Variants in MACROD1 observed in about 807,000 individuals in gnomAD.
MACROD1 encodes the protein ADP-ribose glycohydrolase MACROD1.
Under a neutral mutation model 41.4 loss-of-function variants are expected in MACROD1, and 31 were observed. The observed-to-expected ratio is 0.75, with a 90% confidence interval of 0.56 to 1.01. The LOEUF is 1.01. MACROD1 is among the 50% of genes least tolerant of loss of function. MACROD1 has a pLI of 0.00. For synonymous variants in MACROD1, 252 were observed against 203.4 expected, an observed-to-expected ratio of 1.24 and a Z score of -2.03; for missense variants, 473 against 460.0, an observed-to-expected ratio of 1.03 and a Z score of -0.26.
chr11:64,062,189 G>C (rs1015815172), intron 3 of MACROD1, among the ~76,000 whole-genome samples: 5 of 152,006 alleles, frequency 3.3e-5, no homozygotes, highest in Admixed American at 3.3e-4. Flanking sequence ...ACAGGGGCCT[G>C]GTTCTGCCAC....
chr11:64,010,944 TG>T (rs1299575000), intron 4 of MACROD1, among the ~76,000 whole-genome samples: 6 of 137,804 alleles, frequency 4.4e-5, no homozygotes, highest in African/African-American at 1.7e-4. Context: ...GCATGTTGGT[TG>T]GGGTGTTGGC....
intron 3 of MACROD1, among the ~76,000 whole-genome samples, chr11:64,121,474 C>G (rs1291351567): frequency 6.6e-6 from 1 of 152,222 alleles, no homozygotes; most frequent in African/African-American, 2.4e-5. Context: ...TCCCAGGGTC[C>G]TTTCTGGGCT....
Position 64,165,942 on chromosome 11 carries a change from C to T in MACROD1, c.53G>A (p.Gly18Glu). 7.6e-7 allele frequency: 1 copy of T among 1,318,560 alleles called. No individual in the cohort carries two copies. The highest frequency in any genetic ancestry group is 4.2e-5 in the Admixed American group (1 of 24,084). The allele number at this position is 1,318,560 out of a possible 1,614,324, so 81.7% of individuals were successfully genotyped here. A position where few individuals can be genotyped will look rare whatever the true frequency, so the allele number is the denominator to read the frequency against. The stretch of plus-strand genomic sequence containing the variant: ...GGGGCGCGGGGGGACGAGCAGCTGC[C>T]CCGCCGCGCGCAGCTGTGCCAGGCG... ...SGRLAQLRAA[G>E]QLLVPPRPRP... The change falls in exon 1 of 11, where the codon GGG (glycine) becomes GAG (glutamate). Residue 18 changes from glycine (G) to glutamate (E), a missense_variant. Coordinates refer to ENST00000255681, the MANE Select transcript of MACROD1 (RefSeq NM_014067.4).
At chr11:64,151,099 GC>G in intron 3 of MACROD1, 139 bp downstream of exon 3, 1 of 687,796 alleles carries the variant, frequency 1.5e-6, no homozygotes, top group African/African-American at 1.8e-5. Context: ...ACGTTGGGCT[GC>G]CATGGCGCCA....
intron 3 of MACROD1, among the ~76,000 whole-genome samples, chr11:64,092,104 G>T (rs7125717): frequency 6.6e-5 from 10 of 152,202 alleles, no homozygotes. Flanking sequence ...AAAGGCCACC[G>T]TCCTTCCTGG....
intron 3 of MACROD1, among the ~76,000 whole-genome samples, chr11:64,139,905 G>A (rs1175094821): frequency 6.7e-6 from 1 of 149,170 alleles, no homozygotes; most frequent in Non-Finnish European, 1.5e-5. Flanking sequence ...GCAGTGAGCC[G>A]AGATCACGCC....
intron 3 of MACROD1, among the ~76,000 whole-genome samples, chr11:64,073,104 A>G (rs1944138908): frequency 6.6e-6 from 1 of 152,102 alleles, no homozygotes; most frequent in Non-Finnish European, 1.5e-5. Flanking sequence ...GACACATGCA[A>G]AGAGGCTGCG....
chr11:64,014,389 C>T lies in MACROD1; in HGVS notation c.547+863G>A, dbSNP rs76252968. On this transcript the variant is annotated intron_variant, in intron 4 of 10. Transcript: ENST00000255681. ...ATTCTGCATCCTGGCTGGTCACCGA[C>T]AGCTCTTAATGCTGCTCTTATTTAT... 3.9e-4 allele frequency among the ~76,000 whole-genome samples: 60 copies of T among 152,390 alleles called. No homozygotes were observed. The East Asian group carries it at 0.01, about 25-fold the overall frequency.
chr11:64,042,957 G>A (rs1432635470), intron 3 of MACROD1, among the ~76,000 whole-genome samples: 2 of 152,212 alleles, frequency 1.3e-5, no homozygotes, highest in Non-Finnish European at 1.5e-5. Flanking sequence ...GTGGAGACAC[G>A]CCCTGTCCAG....
intron 3 of MACROD1, among the ~76,000 whole-genome samples, chr11:64,115,836 G>A (rs1450770794): frequency 6.6e-6 from 1 of 152,158 alleles, no homozygotes; most frequent in African/African-American, 2.4e-5. Flanking sequence ...TACCTTTAGC[G>A]TTGGCCATAA....
chr11:64,070,592 C>T (rs1590867235), intron 3 of MACROD1, among the ~76,000 whole-genome samples: 2 of 152,198 alleles, frequency 1.3e-5, no homozygotes, highest in Admixed American at 1.3e-4. Context: ...CCCTCTCCCC[C>T]GGAGGGGCCC....
chr11:64,026,609 T>C (rs1943227084), intron 3 of MACROD1, among the ~76,000 whole-genome samples: 1 of 152,176 alleles, frequency 6.6e-6, no homozygotes, highest in South Asian at 2.1e-4. Context: ...ATAAATTAGA[T>C]CGTGTCACTT....
chr11:64,067,857 A>G lies in MACROD1; in HGVS notation c.518-52576T>C, dbSNP rs1944034280. 6.6e-6 allele frequency among the ~76,000 whole-genome samples: 1 copy of G among 152,078 alleles called. No individual in the cohort carries two copies. Among genetic ancestry groups the G allele is most frequent in the South Asian group, 2.1e-4 (1 of 4,822 alleles). ...GATGAGGGGGTTGGGGGAGGAGCTG[A>G]GCGGCCCACTTCCTGCTGCTGTCCA... On this transcript the variant is annotated intron_variant, in intron 3 of 10. Transcript: ENST00000255681. The surrounding 1 kb of genome is among the most constrained non-coding windows in gnomAD (Gnocchi z 4.6).
rs771760157 is a variant in MACROD1 at position 64,116,944 on chromosome 11, G to A, written c.517+34295C>T. 4.5e-5 allele frequency: 73 copies of A among 1,611,270 alleles called. No homozygotes were observed. Among genetic ancestry groups the A allele is most frequent in the Non-Finnish European group, 5.1e-5 (60 of 1,179,994 alleles). ...TTCAAGGGCCTCAACAGCCTGCGGC[G>A]CCTGGTGCTGGACGGTAACCTGCTG... is the stretch of plus-strand genomic sequence containing the variant. On this transcript the variant is annotated intron_variant, in intron 3 of 10. Coordinates refer to ENST00000255681, the MANE Select transcript of MACROD1 (RefSeq NM_014067.4).
chr11:64,143,794 AC>A (rs1565257703), intron 3 of MACROD1, among the ~76,000 whole-genome samples: 15 of 145,588 alleles, frequency 1.0e-4, no homozygotes, highest in Non-Finnish European at 2.0e-4. Context: ...ACACACACAC[AC>A]ACACACAATT....
chr11:64,003,616 T>G (rs1277122768), intron 4 of MACROD1, among the ~76,000 whole-genome samples: 2 of 152,238 alleles, frequency 1.3e-5, no homozygotes, highest in African/African-American at 4.8e-5. Context: ...GGTAAGCACC[T>G]GCGTGGTGAT....
chr11:64,039,221 A>AGCGTGGGTGGACAAGAAGGG (rs1260459109), intron 3 of MACROD1, among the ~76,000 whole-genome samples: 13 of 151,454 alleles, frequency 8.6e-5, no homozygotes, highest in Non-Finnish European at 1.9e-4. Flanking sequence ...TGGGTGAGCG[A>AGCGTGGGTGGACAAGAAGGG]GCGTGGGTGG....
intron 3 of MACROD1, among the ~76,000 whole-genome samples, chr11:64,030,936 G>A (rs1430809136): frequency 1.3e-5 from 2 of 152,092 alleles, no homozygotes; most frequent in Middle Eastern, 3.4e-3. Context: ...GGGTTAGGGA[G>A]GCCTTTCTGA....
chr11:64,133,751 T>C (rs1945296688), intron 3 of MACROD1, among the ~76,000 whole-genome samples: 1 of 152,002 alleles, frequency 6.6e-6, no homozygotes. Context: ...GGGTGACTTG[T>C]AGGACCCTAG....
Sources: allele counts gnomAD v4.1 joint callset (sites outside exome capture counted in the v4.1 genomes callset), GRCh38; gene constraint gnomAD v4.1.1; non-coding constraint Gnocchi (gnomAD v3.1); transcripts MANE v1.5; gene names NCBI Gene and HGNC (gene_info 2026-07-23, HGNC 2026-07-21).